The following MARK1 variants were observed in gnomAD, a reference collection of about 807,000 sequenced individuals.
MARK1 encodes microtubule affinity regulating kinase 1, also known as serine/threonine-protein kinase MARK1.
In MARK1, 40 loss-of-function variants were observed where a neutral mutation model predicts 96.3. The ratio of observed to expected loss-of-function variants is 0.42; its 90% confidence interval spans 0.32 to 0.54. MARK1 has a LOEUF of 0.54. Among genes scored for constraint, MARK1 ranks in the 20% least tolerant of loss-of-function variants. The pLI is 0.16. For missense variants in MARK1, 719 were observed against 984.6 expected, an observed-to-expected ratio of 0.73 and a Z score of 3.61; for synonymous variants, 317 against 341.2, an observed-to-expected ratio of 0.93 and a Z score of 0.78.
chr1:220,635,324 C>CTTT (rs71794752), intron 11 of MARK1, 52 bp from the exon 12 acceptor site: 71 of 1,154,556 alleles, frequency 6.1e-5, no homozygotes, highest in South Asian at 5.8e-4. Context: ...TTTGTGCAAA[C>CTTT]TTTTTTTTTT....
At chr1:220,548,807 G>A (rs1661672607) in intron 1 of MARK1, among the ~76,000 whole-genome samples, 1 of 152,102 alleles carries the variant, frequency 6.6e-6, no homozygotes, top group African/African-American at 2.4e-5. Flanking sequence ...AACACCTATT[G>A]TAATTTCTGG....
chr1:220,630,606 A>G (rs1175341857), intron 9 of MARK1, among the ~76,000 whole-genome samples: 3 of 152,098 alleles, frequency 2.0e-5, no homozygotes, highest in Non-Finnish European at 4.4e-5. Flanking sequence ...TTCATTCCCC[A>G]TGACCTCTTC....
chr1:220,563,978 A>G (rs1327758634), intron 1 of MARK1, among the ~76,000 whole-genome samples: 2 of 152,162 alleles, frequency 1.3e-5, no homozygotes, highest in Non-Finnish European at 2.9e-5. Flanking sequence ...CCTTTTGGTT[A>G]TTTCATTGTA....
At chr1:220,595,405 A>G (rs1021975334) in intron 3 of MARK1, among the ~76,000 whole-genome samples, 2 of 152,178 alleles carry the variant, frequency 1.3e-5, no homozygotes, top group Non-Finnish European at 2.9e-5. Context: ...TTGGGAGGTG[A>G]AGAGTTCAAA....
chr1:220,568,885 A>G (rs1454640714), intron 1 of MARK1, among the ~76,000 whole-genome samples: 1 of 152,152 alleles, frequency 6.6e-6, no homozygotes, highest in African/African-American at 2.4e-5. Flanking sequence ...GTTCATCTTT[A>G]CACTCATTTG....
At chr1:220,628,223 C>T (rs1387032115) in intron 9 of MARK1, among the ~76,000 whole-genome samples, 3 of 152,208 alleles carry the variant, frequency 2.0e-5, no homozygotes, top group Admixed American at 6.5e-5. Flanking sequence ...TTATCTCTAT[C>T]GACTCCTTTT....
At chr1:220,611,818 C>T (rs545516486) in intron 6 of MARK1, among the ~76,000 whole-genome samples, 9 of 152,158 alleles carry the variant, frequency 5.9e-5, no homozygotes, top group African/African-American at 1.7e-4. Context: ...CTGCAACCTC[C>T]GCCTCCTGGG....
intron 1 of MARK1, among the ~76,000 whole-genome samples, chr1:220,573,882 A>T (rs898271235): frequency 6.6e-6 from 1 of 151,984 alleles, no homozygotes; most frequent in Non-Finnish European, 1.5e-5. Flanking sequence ...TATATGTAGT[A>T]TATTGTAGAA....
At chr1:220,539,876 A>G (rs956946051) in intron 1 of MARK1, among the ~76,000 whole-genome samples, 6 of 151,818 alleles carry the variant, frequency 4.0e-5, no homozygotes, top group Non-Finnish European at 7.4e-5. Flanking sequence ...TATCATGGTA[A>G]TGCTGGCTTT....
rs201679242 is a variant in MARK1, at chr1:220,653,222, C to T, written c.1858C>T (p.Arg620Trp). ...SRSTFHGEQL[R>W]ERRSVAYNGP... ...AAGCACTTTCCATGGTGAACAGCTC[C>T]GGGAGCGACGCAGCGTTGCTTATAA... Residue 620 changes from arginine to tryptophan, a missense_variant, in exon 16 of 18, where the codon CGG becomes TGG. By Grantham distance (101) the Arg-to-Trp change is moderately radical. Around this residue, in one of 4 missense-constraint regions of MARK1, gnomAD observed 501 missense variants for 588.3 expected, o/e 0.85. Coordinates refer to ENST00000366917, the MANE Select transcript of MARK1 (RefSeq NM_018650.5). 1.4e-5 allele frequency: 22 copies of T among 1,614,202 alleles called. No individual in the cohort carries two copies. Among genetic ancestry groups the T allele is most frequent in the East Asian group, 4.5e-5 (2 of 44,880 alleles).
chr1:220,587,969 C>G (rs1181488513), intron 3 of MARK1, among the ~76,000 whole-genome samples: 4 of 152,138 alleles, frequency 2.6e-5, no homozygotes, highest in African/African-American at 9.7e-5. Flanking sequence ...TGTCAAATTG[C>G]TCTCCAGTGT....
intron 1 of MARK1, among the ~76,000 whole-genome samples, chr1:220,538,319 A>G (rs992798802): frequency 9.9e-5 from 15 of 151,966 alleles, no homozygotes; most frequent in African/African-American, 2.9e-4. Flanking sequence ...TCCCAGCACC[A>G]TTTATTAAAT....
intron 3 of MARK1, among the ~76,000 whole-genome samples, chr1:220,592,599 G>A (rs965022213): frequency 5.9e-5 from 9 of 152,162 alleles, no homozygotes; most frequent in Non-Finnish European, 8.8e-5. Context: ...ATACTGAGCC[G>A]CAGAAACTGC....
intron 7 of MARK1, 24 bp downstream of exon 7, chr1:220,616,019 TTA>T: frequency 2.3e-5 from 27 of 1,152,910 alleles, no homozygotes; most frequent in South Asian, 3.1e-5. Flanking sequence ...TGTAATTTTT[TTA>T]AAAAAAAAAT....
chr1:220,621,671 A>G (rs1305126980), intron 9 of MARK1, among the ~76,000 whole-genome samples: 1 of 151,912 alleles, frequency 6.6e-6, no homozygotes, highest in African/African-American at 2.4e-5. Context: ...TTTTCTGGTA[A>G]TTTCCACATT....
rs562493305 is a variant in MARK1 at position 220,551,760 on chromosome 1, A to T, written c.51+22887A>T. ...GTATTTACAGCAAAATAAGGAAAAA[A>T]TATTTATAAGTATTACAGGGCTTGT... is the stretch of plus-strand genomic sequence containing the variant. On this transcript the variant is annotated intron_variant, in intron 1 of 17. Transcript: ENST00000366917. Among the ~76,000 whole-genome samples the T allele has an allele frequency of 2.0e-5, 3 of 152,326 alleles. No homozygotes were observed. The South Asian group carries it at 6.2e-4, about 32-fold the overall frequency.
chr1:220,581,100 T>C lies in MARK1; in HGVS notation c.291T>C (p.Asn97=). The C allele has an allele frequency of 7.9e-7, 1 of 1,273,552 alleles. No individual in the cohort carries two copies. The highest frequency in any genetic ancestry group is 1.0e-6 in the Non-Finnish European group (1 of 957,702). 78.9% of individuals were successfully genotyped at this position (1,273,552 alleles called of 1,614,324 possible). A position where few individuals can be genotyped will look rare whatever the true frequency, so the allele number is the denominator to read the frequency against. Residue 97 remains asparagine, a synonymous_variant, in exon 3 of 18, where the codon AAT becomes AAC. Transcript: ENST00000366917. ...AVKIIDKTQL[N]PTSLQKLFRE... is the part of the protein sequence containing the mutation. ...AAATAATAGACAAAACTCAGCTAAA[T>C]CCTACCAGTCTACAAAAGGTATTTA...
intron 16 of MARK1, among the ~76,000 whole-genome samples, chr1:220,655,095 G>A (rs1312575852): frequency 2.0e-5 from 3 of 152,172 alleles, no homozygotes; most frequent in African/African-American, 7.2e-5. Flanking sequence ...CATTTAAAGC[G>A]TTTCCCTTGC....
Position 220,587,257 on chromosome 1 carries a change from TTTCC to T in MARK1, c.309+6155_309+6158del, listed in dbSNP as rs549672915. Among the ~76,000 whole-genome samples, 265 of 151,918 alleles carry T rather than the reference TTTCC, an allele frequency of 1.7e-3. 1 individual carries two copies. The highest frequency in any genetic ancestry group is 6.0e-3 in the African/African-American group (249 of 41,408). On this transcript the variant is annotated intron_variant, in intron 3 of 17. Transcript: ENST00000366917. ...TTCATGCTAACTATATAGTCTCTCCTTTCCTTCCTTCCTTCCTTCTTTCCTTCCT... is the reference window on the plus strand; with the variant it reads ...TTCATGCTAACTATATAGTCTCTCCTTTCCTTCCTTCCTTCTTTCCTTCCT...
Sources: allele counts gnomAD v4.1 joint callset (sites outside exome capture counted in the v4.1 genomes callset), GRCh38; gene constraint gnomAD v4.1.1; regional missense constraint gnomAD v4.1.1; transcripts MANE v1.5; gene names NCBI Gene and HGNC (gene_info 2026-07-23, HGNC 2026-07-21).